The following BIRC6 variants were observed in gnomAD, a reference collection of about 807,000 sequenced individuals.
The protein encoded by BIRC6 is baculoviral IAP repeat containing 6.
Under a neutral mutation model 503.3 loss-of-function variants are expected in BIRC6, and 98 were observed. The observed-to-expected ratio is 0.19, with a 90% CI of 0.17 to 0.23. The LOEUF is 0.23. BIRC6 is among the 10% of genes least tolerant of loss of function. The pLI, the probability that BIRC6 is intolerant of heterozygous loss-of-function variation, is 1.00. For missense variants in BIRC6, 5,360 were observed against 5,806.0 expected, an observed-to-expected ratio of 0.92 and a Z score of 2.50; for synonymous variants, 2,240 against 2,078.7, an observed-to-expected ratio of 1.08 and a Z score of -2.11.
intron 41 of BIRC6, among the ~76,000 whole-genome samples, chr2:32,488,004 C>T (rs2051203521): frequency 6.7e-6 from 1 of 150,116 alleles, no homozygotes; most frequent in Non-Finnish European, 1.5e-5. Context: ...AGATTTTTAG[C>T]TTCAGTACTT....
At chr2:32,503,942 C>G (rs1444058513) in intron 49 of BIRC6, among the ~76,000 whole-genome samples, 1 of 146,630 alleles carries the variant, frequency 6.8e-6, no homozygotes, top group Non-Finnish European at 1.5e-5. Flanking sequence ...CACAGTGTCT[C>G]CCGGGTTCAG....
intron 46 of BIRC6, 43 bp from the exon 47 acceptor site, chr2:32,501,670 T>G: frequency 6.5e-7 from 1 of 1,536,662 alleles, no homozygotes; most frequent in Non-Finnish European, 8.8e-7. Context: ...TGCGCCTGGC[T>G]GGATATATAT....
chr2:32,442,415 A>G lies in BIRC6; in HGVS notation c.4198A>G (p.Ile1400Val), dbSNP rs755251805. The G allele has an allele frequency of 1.9e-6, 3 of 1,610,494 alleles. No homozygotes were observed. The highest frequency in any genetic ancestry group is 2.2e-5 in the South Asian group (2 of 90,334). Residue 1400 changes from isoleucine (I) to valine (V), a missense_variant, in exon 19 of 74, where the codon ATA becomes GTA. Coordinates refer to ENST00000421745, the MANE Select transcript of BIRC6 (RefSeq NM_016252.4). The part of the protein sequence containing the change: ...RVCFFEAGRS[I>V]AHKCARFLAL... ...TTGCTTCTTTGAGGCAGGACGAAGT[A>G]TAGCCCATAAGTGTGCCCGATTTCT... is the stretch of plus-strand genomic sequence containing the variant.
chr2:32,591,130 AAGTATTCTC>A (rs2061358926), intron 66 of BIRC6, among the ~76,000 whole-genome samples: 1 of 152,178 alleles, frequency 6.6e-6, no homozygotes, highest in African/African-American at 2.4e-5. Flanking sequence ...CATATATTCA[AAGTATTCTC>A]ACCATTTAGA....
At position 32,463,273 on chromosome 2, in the gene BIRC6, A is replaced by G; in HGVS notation, c.4833A>G (p.Ser1611=). The G allele has an allele frequency of 1.9e-6, 3 of 1,613,770 alleles. No individual in the cohort carries two copies. The highest frequency in any genetic ancestry group is 1.7e-6 in the Non-Finnish European group (2 of 1,179,812). The part of the protein sequence containing the change: ...TVGEASTALS[S]AAQVALQSLS... ...GGGAAGCCTCGACAGCCCTGAGTTC[A>G]GCAGCCCAGGTAGCTTTGCAGTCTC... The change falls in exon 24 of 74, where the codon TCA becomes TCG. Residue 1611 remains serine, a synonymous_variant. Transcript: ENST00000421745.
intron 65 of BIRC6, chr2:32,574,770 C>T (rs372122913): frequency 7.2e-5 from 19 of 264,228 alleles, no homozygotes; most frequent in East Asian, 3.9e-4. Flanking sequence ...TTTTTTGAGA[C>T]GGAGTTTCAC....
Position 32,481,341 on chromosome 2 carries a change from T to C in BIRC6, c.7430T>C (p.Leu2477Ser). The change falls in exon 38 of 74, where the codon TTG (leucine) becomes TCG (serine). Residue 2477 changes from leucine (L) to serine (S), a missense_variant. Physicochemically the swap from Leu to Ser is moderately radical, Grantham distance 145. This residue lies in a region of BIRC6 where 2,299 missense variants were observed against 2,267.2 expected (regional missense o/e 1.01). Coordinates refer to ENST00000421745, the MANE Select transcript of BIRC6 (RefSeq NM_016252.4). ...DITGAPPLSSLEKDKEIDLEL... is the reference protein window; with the variant it reads ...DITGAPPLSSSEKDKEIDLEL... Reference sequence around the variant, plus strand: ...GAAGGTGCACCTCCTCTGTCCTCTTTGGAAAAAGATAAAGAAATTGACCTT... The same window carrying C: ...GAAGGTGCACCTCCTCTGTCCTCTTCGGAAAAAGATAAAGAAATTGACCTT... 6.2e-7 allele frequency: 1 copy of C among 1,608,640 alleles called. No individual in the cohort carries two copies. Among genetic ancestry groups the C allele is most frequent in the Non-Finnish European group, 8.5e-7 (1 of 1,177,104 alleles).
chr2:32,504,869 T>A lies in BIRC6; in HGVS notation c.9500-136T>A, dbSNP rs1202064992. On this transcript the variant is annotated intron_variant, in intron 49 of 73. Coordinates refer to ENST00000421745, the MANE Select transcript of BIRC6 (RefSeq NM_016252.4). ...AATACCTTTACGGTCATGCTTAGGA[T>A]ACTAAGTGCATTACCAGCATCAATT... 4 of 770,896 alleles carry A rather than the reference T, an allele frequency of 5.2e-6. No individual in the cohort carries two copies. In the African/African-American group the frequency reaches 7.0e-5, roughly 14 times the overall value. 47.8% of individuals were successfully genotyped at this position (770,896 alleles called of 1,614,324 possible).
At position 32,445,181 on chromosome 2, in the gene BIRC6, T is replaced by C. The variant is rs374225362; in HGVS notation, c.4337-340T>C. ...TTTGAAGGACCTTCAGTCTCCTCAC[T>C]TTTTCAGCTATTTCGAAGTGTCCCT... On this transcript the variant is annotated intron_variant, in intron 20 of 73. Transcript: ENST00000421745. Among the ~76,000 whole-genome samples, 23 of 152,338 alleles carry C rather than the reference T, an allele frequency of 1.5e-4. No individual in the cohort carries two copies. In the South Asian group the frequency reaches 4.8e-3, roughly 32 times the overall value.
chr2:32,419,375 A>G (rs1343982894), intron 10 of BIRC6, among the ~76,000 whole-genome samples: 1 of 152,182 alleles, frequency 6.6e-6, no homozygotes, highest in East Asian at 1.9e-4. Context: ...ATAATATACT[A>G]AATGTAGATT....
In BIRC6 at chr2:32,499,830, C is replaced by T. The variant is rs1159024400; in HGVS notation, c.8752C>T (p.Leu2918Phe). 1 of 1,613,898 alleles carries T rather than the reference C, an allele frequency of 6.2e-7. No homozygotes were observed. The highest frequency in any genetic ancestry group is 8.5e-7 in the Non-Finnish European group (1 of 1,179,900). The change falls in exon 46 of 74, where the codon CTC becomes TTC. Residue 2918 changes from leucine (L) to phenylalanine (F), a missense_variant. Coordinates refer to ENST00000421745, the MANE Select transcript of BIRC6 (RefSeq NM_016252.4). ...TTGTGGCGAAATGACAAGAGATCAACTCATGTTTGATTTGTTAAAACTTGT... is the reference window on the plus strand; with the variant it reads ...TTGTGGCGAAATGACAAGAGATCAATTCATGTTTGATTTGTTAAAACTTGT... ...AVCGEMTRDQ[L>F]MFDLLKLVNI...
intron 4 of BIRC6, among the ~76,000 whole-genome samples, chr2:32,389,983 C>T (rs1041884828): frequency 2.0e-5 from 3 of 152,062 alleles, no homozygotes; most frequent in Non-Finnish European, 4.4e-5. Context: ...CCTCAGCCTC[C>T]TTGGTAGCTG....
intron 10 of BIRC6, among the ~76,000 whole-genome samples, chr2:32,417,306 C>G (rs2042480665): frequency 6.6e-6 from 1 of 152,024 alleles, no homozygotes; most frequent in Non-Finnish European, 1.5e-5. Context: ...CCATGTTCAG[C>G]TAATTGTTGT....
At chr2:32,389,015 A>G (rs1287120165) in intron 4 of BIRC6, 72 bp downstream of exon 4, 3 of 1,019,898 alleles carry the variant, frequency 2.9e-6, no homozygotes, top group East Asian at 3.2e-5. Flanking sequence ...AGGAATAACT[A>G]GAAAATCTGG....
chr2:32,524,768 T>G, intron 57 of BIRC6, 120 bp from the exon 58 acceptor site: 1 of 698,802 alleles, frequency 1.4e-6, no homozygotes, highest in Non-Finnish European at 2.0e-6. Context: ...CCTAAATTCC[T>G]TTATATTGCC....
intron 70 of BIRC6, 52 bp from the exon 71 acceptor site, chr2:32,602,954 T>G (rs537751497): frequency 2.4e-5 from 35 of 1,481,678 alleles, no homozygotes; most frequent in Non-Finnish European, 2.9e-5. Context: ...TATGACAGTT[T>G]GTTTTTAAGC....
intron 9 of BIRC6, among the ~76,000 whole-genome samples, chr2:32,408,928 T>C (rs1167867133): frequency 2.6e-5 from 4 of 152,196 alleles, no homozygotes; most frequent in African/African-American, 4.8e-5. Context: ...TTTTGTTATA[T>C]TGGAAGACCA....
intron 10 of BIRC6, among the ~76,000 whole-genome samples, chr2:32,418,636 G>A (rs1032472527): frequency 1.3e-5 from 2 of 152,236 alleles, no homozygotes; most frequent in Middle Eastern, 3.4e-3. Context: ...ATGGCACCCC[G>A]GTGCACATCT....
intron 61 of BIRC6, among the ~76,000 whole-genome samples, chr2:32,538,573 C>T (rs1209811177): frequency 6.6e-6 from 1 of 152,146 alleles, no homozygotes; most frequent in Admixed American, 6.5e-5. Flanking sequence ...ATCTGCTAAA[C>T]AAAACTAAAC....
Sources: gnomAD v4.1 joint callset for allele counts (sites outside exome capture counted in the v4.1 genomes callset) on GRCh38, gnomAD v4.1.1 for gene constraint, gnomAD v4.1.1 regional missense constraint, MANE v1.5 for transcripts, NCBI Gene and HGNC (gene_info 2026-07-23, HGNC 2026-07-21) for gene names.